UGT2B7: variants seen among roughly 807,000 people sequenced by gnomAD.
UGT2B7 encodes UDP glucuronosyltransferase family 2 member B7.
A neutral mutation model predicts 51.9 loss-of-function variants in UGT2B7; 51 were observed. The observed-to-expected ratio is 0.98, with a 90% CI of 0.78 to 1.24. The LOEUF (loss-of-function observed/expected upper bound fraction) is 1.24, where lower values mean the gene tolerates loss of function less well. UGT2B7 is among the 50% of genes most tolerant of loss of function. The probability of loss-of-function intolerance (pLI) is 0.00; values close to 1 mark genes in which losing one functional copy is unlikely to be tolerated. For synonymous variants in UGT2B7, 225 were observed against 211.6 expected (o/e 1.06, Z -0.55); for missense variants, 727 against 628.4 (o/e 1.16, Z -1.68).
At chr4:69,108,046 A>T (rs892405684) in intron 4 of UGT2B7, 57 bp from the exon 5 acceptor site, 39 of 1,576,872 alleles carry the variant, frequency 2.5e-5, no homozygotes, top group Non-Finnish European at 3.4e-5. Flanking sequence ...AGAGCCTTTC[A>T]TTGTGCATCT....
Position 69,112,853 on chromosome 4 carries a change from A to G in UGT2B7, c.*117A>G, listed in dbSNP as rs1295403693. ...TCCTGAGACAAAAAAAAAAAAAGAA[A>G]AAAAAATCTTTTCAAAATTTACTTT... On this transcript the variant is annotated 3_prime_UTR_variant, in exon 6 of 6. Coordinates refer to ENST00000305231, the MANE Select transcript of UGT2B7 (RefSeq NM_001074.4). 4 of 1,370,862 alleles carry G rather than the reference A, an allele frequency of 2.9e-6. No homozygotes were observed. The African/African-American group carries it at 6.0e-5, about 21-fold the overall frequency. 84.9% of individuals were successfully genotyped at this position (1,370,862 alleles called of 1,614,324 possible).
rs770251825 is a variant in UGT2B7, at chr4:69,096,822, C to T, written c.302C>T (p.Pro101Leu). Residue 101 changes from proline to leucine, a missense_variant, in exon 1 of 6, where the codon CCA becomes CTA. Transcript: ENST00000305231. ...MQQIKRWSDL[P>L]KDTFWLYFSQ... The stretch of plus-strand genomic sequence containing the variant: ...CAGATTAAGAGATGGTCAGACCTTC[C>T]AAAAGATACATTTTGGTTATATTTT... The T allele has an allele frequency of 6.2e-7, 1 of 1,613,716 alleles. No homozygotes were observed. Among genetic ancestry groups the T allele is most frequent in the Non-Finnish European group, 8.5e-7 (1 of 1,179,848 alleles).
At chr4:69,053,292 G>C (rs948773887) in intron 1 of UGT2B7, among the ~76,000 whole-genome samples, 2 of 152,010 alleles carry the variant, frequency 1.3e-5, no homozygotes, top group African/African-American at 4.8e-5. Flanking sequence ...GCTTTCTTTG[G>C]TCTAAAAACT....
At chr4:69,080,537 G>C (rs1385740107) in intron 1 of UGT2B7, among the ~76,000 whole-genome samples, 1 of 128,716 alleles carries the variant, frequency 7.8e-6, no homozygotes, top group Non-Finnish European at 1.6e-5. Flanking sequence ...AACAGAGCAA[G>C]ACTCCGTCTC....
rs538999071 is a variant in UGT2B7 at position 69,076,568 on chromosome 4, A to G, written c.-158-12904A>G. Reference sequence around the variant, plus strand: ...GCTTTTTTTCATATGTTTGTTGGCTATGTACATGTCTTCTTTTGAGAAGTG... The same window carrying G: ...GCTTTTTTTCATATGTTTGTTGGCTGTGTACATGTCTTCTTTTGAGAAGTG... On this transcript the variant is annotated intron_variant, in intron 1 of 5. Coordinates refer to the UGT2B7 transcript ENST00000502942. Among the ~76,000 whole-genome samples, 8 of 152,168 alleles carry G rather than the reference A, an allele frequency of 5.3e-5. No homozygotes were observed. In the South Asian group the frequency reaches 1.7e-3, roughly 32 times the overall value.
At chr4:69,087,955 C>T (rs966819163) in intron 1 of UGT2B7, among the ~76,000 whole-genome samples, 1 of 151,904 alleles carries the variant, frequency 6.6e-6, no homozygotes, top group Non-Finnish European at 1.5e-5. Context: ...GATTAGGGTA[C>T]ATGGATACTG....
chr4:69,051,428 T>A (rs1252910991), exon 1 of UGT2B7: 5 of 152,230 alleles, frequency 3.3e-5, no homozygotes, highest in Admixed American at 1.3e-4. Flanking sequence ...GGAGTGCCCC[T>A]GTGGGGGACT....
chr4:69,070,620 A>C (rs1718580024), intron 1 of UGT2B7, among the ~76,000 whole-genome samples: 1 of 152,126 alleles, frequency 6.6e-6, no homozygotes, highest in South Asian at 2.1e-4. Flanking sequence ...ATGAGGAAAT[A>C]AAAATAAGGA....
chr4:69,084,120 A>G (rs1327298948), intron 1 of UGT2B7, among the ~76,000 whole-genome samples: 2 of 152,096 alleles, frequency 1.3e-5, no homozygotes, highest in Non-Finnish European at 2.9e-5. Flanking sequence ...CTTTTTGTGC[A>G]TCTACTGATA....
rs771444554 is a variant in UGT2B7, at chr4:69,108,159, G to T, written c.1147G>T (p.Ala383Ser). The change falls in exon 5 of 6, where the codon GCA (alanine) becomes TCA (serine). Residue 383 changes from alanine (A) to serine (S), a missense_variant. Ala to Ser is a moderately conservative substitution (Grantham distance 99, BLOSUM62 1). Coordinates refer to ENST00000305231, the MANE Select transcript of UGT2B7 (RefSeq NM_001074.4). ...TGGTGGAGCCAATGGCATCTACGAG[G>T]CAATCTACCATGGGATCCCTATGGT... ...THGGANGIYE[A>S]IYHGIPMVGI... 85 of 1,613,474 alleles carry T rather than the reference G, an allele frequency of 5.3e-5. No individual in the cohort carries two copies. The highest frequency in any genetic ancestry group is 1.5e-4 in the Admixed American group (9 of 59,960).
At chr4:69,099,185 C>T (rs775826609) in intron 2 of UGT2B7, among the ~76,000 whole-genome samples, 2 of 147,708 alleles carry the variant, frequency 1.4e-5, no homozygotes, top group African/African-American at 2.5e-5. Context: ...AAGTATCCTG[C>T]AGTCACTGAT....
At chr4:69,084,034 A>G (rs1352009931) in intron 1 of UGT2B7, among the ~76,000 whole-genome samples, 1 of 152,000 alleles carries the variant, frequency 6.6e-6, no homozygotes. Context: ...TGGCCTTTAT[A>G]AGTTTGAAGT....
rs560289492 is a variant in UGT2B7 at position 69,083,859 on chromosome 4, A to G, written c.-158-5613A>G. ...AATTTGATTTTCTCCCTTCCAGTGGATGACCTTTCTTTTTTCTCTTGGCTA... is the reference window on the plus strand; with the variant it reads ...AATTTGATTTTCTCCCTTCCAGTGGGTGACCTTTCTTTTTTCTCTTGGCTA... On this transcript the variant is annotated intron_variant, in intron 1 of 5. Coordinates refer to the UGT2B7 transcript ENST00000502942. Among the ~76,000 whole-genome samples, 9 of 88,688 alleles carry G rather than the reference A, an allele frequency of 1.0e-4. No homozygotes were observed. In the East Asian group the frequency reaches 3.5e-3, roughly 34 times the overall value. 58.2% of individuals were successfully genotyped at this position (88,688 alleles called of 152,430 possible). A position where few individuals can be genotyped will look rare whatever the true frequency, so the allele number is the denominator to read the frequency against.
chr4:69,100,312 C>T (rs1433755861), intron 2 of UGT2B7, among the ~76,000 whole-genome samples: 1 of 137,472 alleles, frequency 7.3e-6, no homozygotes, highest in African/African-American at 2.8e-5. Flanking sequence ...CCAGGGAATT[C>T]TGTCAGCATA....
upstream of UGT2B7, among the ~76,000 whole-genome samples, chr4:69,092,033 C>T (rs1215563957): frequency 3.3e-5 from 5 of 152,166 alleles, no homozygotes; most frequent in Non-Finnish European, 5.9e-5. Flanking sequence ...CTCTCAGGCT[C>T]AAGTGATCCT....
intron 1 of UGT2B7, among the ~76,000 whole-genome samples, chr4:69,054,186 A>T (rs1327775541): frequency 2.0e-5 from 3 of 151,598 alleles, no homozygotes; most frequent in African/African-American, 7.3e-5. Flanking sequence ...CCCTGAGGTT[A>T]CCTGACCTGA....
chr4:69,111,594 G>C (rs369784209), intron 5 of UGT2B7, among the ~76,000 whole-genome samples: 1 of 152,056 alleles, frequency 6.6e-6, no homozygotes, highest in African/African-American at 2.4e-5. Context: ...ATAATACAAA[G>C]GATAAATGCA....
chr4:69,100,089 CCCCAGAGAT>C (rs200859694), intron 2 of UGT2B7, among the ~76,000 whole-genome samples: 1,964 of 152,050 alleles, frequency 0.013, 42 homozygotes, highest in African/African-American at 0.045. Flanking sequence ...TTCATTGAGA[CCCCAGAGAT>C]TTACATATTA....
chr4:69,075,564 C>T (rs1157667020), intron 1 of UGT2B7, among the ~76,000 whole-genome samples: 1 of 152,120 alleles, frequency 6.6e-6, no homozygotes, highest in Non-Finnish European at 1.5e-5. Flanking sequence ...TGACATCAAT[C>T]ACCAAGTATG....
Sources: allele counts gnomAD v4.1 joint callset (sites outside exome capture counted in the v4.1 genomes callset), GRCh38; gene constraint gnomAD v4.1.1; transcripts MANE v1.5; gene names NCBI Gene and HGNC (gene_info 2026-07-23, HGNC 2026-07-21).